The following UGT2B17 variants were observed in gnomAD, a reference collection of about 807,000 sequenced individuals.
UGT2B17 encodes the protein UDP glucuronosyltransferase family 2 member B17.
A neutral mutation model predicts 48.2 loss-of-function variants in UGT2B17; 21 were observed. The observed-to-expected ratio is 0.44, with a 90% CI of 0.31 to 0.63. UGT2B17 has a LOEUF of 0.63. Among genes scored for constraint, UGT2B17 ranks in the 20% least tolerant of loss-of-function variants. The pLI is 0.08. For synonymous variants in UGT2B17, 146 were observed against 238.4 expected, an observed-to-expected ratio of 0.61 and a Z score of 3.57; for missense variants, 402 against 696.1, an observed-to-expected ratio of 0.58 and a Z score of 4.75.
intron 3 of UGT2B17, among the ~76,000 whole-genome samples, chr4:68,562,976 A>G (rs1427937660): frequency 1.6e-5 from 2 of 126,494 alleles, no homozygotes; most frequent in African/African-American, 5.4e-5. Context: ...TGCGCATTGT[A>G]TAAGTTTTTA....
In UGT2B17 at chr4:68,537,429, TA is replaced by T; in HGVS notation, c.*195del. The T allele has an allele frequency of 4.6e-6, 2 of 433,568 alleles. No individual in the cohort carries two copies. Among genetic ancestry groups the T allele is most frequent in the Non-Finnish European group, 6.7e-6 (2 of 298,326 alleles). 26.9% of individuals were successfully genotyped at this position (433,568 alleles called of 1,614,324 possible). A position where few individuals can be genotyped will look rare whatever the true frequency, so the allele number is the denominator to read the frequency against. ...TTTTATATTATTATTTTTCATAGCT[TA>T]AAAATCATTGACATAGAATAATTCC... is the stretch of plus-strand genomic sequence containing the variant. On this transcript the variant is annotated 3_prime_UTR_variant, in exon 7 of 7. Transcript: ENST00000317746.
At chr4:68,569,859 A>C (rs1403801445) in intron 1 of UGT2B17, among the ~76,000 whole-genome samples, 1 of 126,212 alleles carries the variant, frequency 7.9e-6, no homozygotes, top group Non-Finnish European at 1.7e-5. Context: ...GCACCCAGGC[A>C]CTCATTAAAA....
chr4:68,549,029 T>C (rs1560576505), intron 6 of UGT2B17, among the ~76,000 whole-genome samples: 1 of 125,328 alleles, frequency 8.0e-6, no homozygotes, highest in Non-Finnish European at 1.7e-5. Context: ...CTAGTTCACA[T>C]TTAAATCCAC....
intron 3 of UGT2B17, among the ~76,000 whole-genome samples, chr4:68,564,296 T>TATATA (rs1226939611): frequency 1.1e-5 from 1 of 93,840 alleles, no homozygotes; most frequent in African/African-American, 5.8e-5. Flanking sequence ...ATATATATAT[T>TATATA]TTTTTTTTTT....
At chr4:68,564,294 A>ATATATATATATATTTT (rs1366181355) in intron 3 of UGT2B17, among the ~76,000 whole-genome samples, 3 of 75,786 alleles carry the variant, frequency 4.0e-5, no homozygotes, top group African/African-American at 1.0e-4. Flanking sequence ...ATATATATAT[A>ATATATATATATATTTT]TTTTTTTTTT....
rs1731315337 is a variant in UGT2B17, at chr4:68,572,804, T to C, written c.-65+3147A>G. Among the ~76,000 whole-genome samples, 2 of 126,360 alleles carry C rather than the reference T, an allele frequency of 1.6e-5. 1 individual carries two copies. The highest frequency in any genetic ancestry group is 7.8e-3 in the Middle Eastern group (2 of 256). 82.9% of individuals were successfully genotyped at this position (126,360 alleles called of 152,430 possible). On this transcript the variant is annotated intron_variant, in intron 1 of 6. Transcript: ENST00000317746. Reference sequence around the variant, plus strand: ...ATGAGTCCTGCGATGAGTCTCCTCATGCTTCAGCCATGCGTGGACCAGTCA... The same window carrying C: ...ATGAGTCCTGCGATGAGTCTCCTCACGCTTCAGCCATGCGTGGACCAGTCA...
intron 1 of UGT2B17, among the ~76,000 whole-genome samples, chr4:68,572,860 T>G (rs1157347864): frequency 7.9e-6 from 1 of 126,030 alleles, no homozygotes; most frequent in Non-Finnish European, 1.7e-5. Context: ...CAGTGTTTGT[T>G]GTCTTCTTCA....
rs1731299455 is a variant in UGT2B17, at chr4:68,571,707, A to G, written c.-64-3159T>C. Among the ~76,000 whole-genome samples, 3 of 126,144 alleles carry G rather than the reference A, an allele frequency of 2.4e-5. 1 individual carries two copies. The highest frequency in any genetic ancestry group is 5.0e-5 in the Non-Finnish European group (3 of 59,554). The allele number at this position is 126,144 out of a possible 152,430, so 82.8% of individuals were successfully genotyped here. A position where few individuals can be genotyped will look rare whatever the true frequency, so the allele number is the denominator to read the frequency against. On this transcript the variant is annotated intron_variant, in intron 1 of 6. Coordinates refer to ENST00000317746, the MANE Select transcript of UGT2B17 (RefSeq NM_001077.4). Reference sequence around the variant, plus strand: ...GTAGGAACTAATTCTTGGGCTTCCTATGGCCATTGATCTACTGTTATGGTT... The same window carrying G: ...GTAGGAACTAATTCTTGGGCTTCCTGTGGCCATTGATCTACTGTTATGGTT...
rs1212039612 is a variant in UGT2B17, at chr4:68,569,809, C to T, written c.-64-1261G>A. Among the ~76,000 whole-genome samples, 4 of 126,484 alleles carry T rather than the reference C, an allele frequency of 3.2e-5. 1 individual carries two copies. Among genetic ancestry groups the T allele is most frequent in the Non-Finnish European group, 6.7e-5 (4 of 59,628 alleles). 83.0% of individuals were successfully genotyped at this position (126,484 alleles called of 152,430 possible). On this transcript the variant is annotated intron_variant, in intron 1 of 6. Coordinates refer to ENST00000317746, the MANE Select transcript of UGT2B17 (RefSeq NM_001077.4). ...AGAACTATAAAACCACTGTCCCATC[C>T]TCACTTGGGGCTGATGCCATTTTAG...
At position 68,567,626 on chromosome 4, in the gene UGT2B17, C is replaced by G. The variant is rs1396392098; in HGVS notation, c.724+135G>C. 66 of 710,814 alleles carry G rather than the reference C, an allele frequency of 9.3e-5. 21 individuals carry two copies. Among genetic ancestry groups the G allele is most frequent in the Middle Eastern group, 8.9e-4 (3 of 3,358 alleles). The allele number at this position is 710,814 out of a possible 1,614,324, so 44.0% of individuals were successfully genotyped here. A position where few individuals can be genotyped will look rare whatever the true frequency, so the allele number is the denominator to read the frequency against. On this transcript the variant is annotated intron_variant, in intron 2 of 6. Transcript: ENST00000317746. ...GTCAACATTCTATATTTTTGAGACT[C>G]ATAGATCATCTTACATTTGCAATTC...
In UGT2B17 at chr4:68,548,751, TTC is replaced by T. The variant is rs1206271452; in HGVS notation, c.1313+1924_1313+1925del. Among the ~76,000 whole-genome samples, 3 of 124,850 alleles carry T rather than the reference TTC, an allele frequency of 2.4e-5. 1 individual carries two copies. Among genetic ancestry groups the T allele is most frequent in the Non-Finnish European group, 5.1e-5 (3 of 59,316 alleles). The allele number at this position is 124,850 out of a possible 152,430, so 81.9% of individuals were successfully genotyped here. ...GTTAGGCATATTCCTAGGTATTTTA[TTC>T]TCTTTGTTGCAATTGCAAATGGGAA... On this transcript the variant is annotated intron_variant, in intron 6 of 6. Coordinates refer to ENST00000317746, the MANE Select transcript of UGT2B17 (RefSeq NM_001077.4).
At position 68,570,198 on chromosome 4, in the gene UGT2B17, TG is replaced by T. The variant is rs1482480812; in HGVS notation, c.-64-1651del. The stretch of plus-strand genomic sequence containing the variant: ...CCAAGCTCCTCAAGTGCGCAATTTT[TG>T]TCCTTTTTAAGGGCTCACAACACTA... On this transcript the variant is annotated intron_variant, in intron 1 of 6. Coordinates refer to ENST00000317746, the MANE Select transcript of UGT2B17 (RefSeq NM_001077.4). 2.3e-4 allele frequency among the ~76,000 whole-genome samples: 29 copies of T among 127,106 alleles called. 7 individuals carry two copies. The highest frequency in any genetic ancestry group is 7.8e-4 in the African/African-American group (29 of 37,200). The allele number at this position is 127,106 out of a possible 152,430, so 83.4% of individuals were successfully genotyped here.
chr4:68,556,116 T>G lies in UGT2B17; in HGVS notation c.1006-4205A>C, dbSNP rs1409030427. ...CACAATAAGAAGATTAAAAAAACTT[T>G]TATATGATCAAGTTGTCTATAATTA... On this transcript the variant is annotated intron_variant, in intron 4 of 6. Transcript: ENST00000317746. Among the ~76,000 whole-genome samples, 3 of 123,636 alleles carry G rather than the reference T, an allele frequency of 2.4e-5. 1 individual carries two copies. Among genetic ancestry groups the G allele is most frequent in the African/African-American group, 8.2e-5 (3 of 36,506 alleles). The allele number at this position is 123,636 out of a possible 152,430, so 81.1% of individuals were successfully genotyped here.
At chr4:68,572,278 T>A (rs1731306942) in intron 1 of UGT2B17, among the ~76,000 whole-genome samples, 1 of 126,376 alleles carries the variant, frequency 7.9e-6, no homozygotes, top group Non-Finnish European at 1.7e-5. Flanking sequence ...GGAGCTCTGT[T>A]TTTTTCGGTT....
At chr4:68,563,700 G>A (rs1244369864) in intron 3 of UGT2B17, among the ~76,000 whole-genome samples, 1 of 125,312 alleles carries the variant, frequency 8.0e-6, no homozygotes, top group Non-Finnish European at 1.7e-5. Flanking sequence ...ATTTTTTTTT[G>A]AGAATAAGAT....
intron 6 of UGT2B17, among the ~76,000 whole-genome samples, chr4:68,547,081 A>AAG (rs56859198): frequency 0.89 from 100,408 of 113,354 alleles, 47,508 homozygotes; most frequent in Non-Finnish European, 0.99. Flanking sequence ...AACTACTTGA[A>AAG]TTCATATGGA....
chr4:68,566,180 A>C (rs1731199462), intron 2 of UGT2B17, among the ~76,000 whole-genome samples: 1 of 119,190 alleles, frequency 8.4e-6, no homozygotes. Flanking sequence ...AAAATAATTT[A>C]ATATAATGTA....
rs758452599 is a variant in UGT2B17 at position 68,558,845 on chromosome 4, A to T, written c.1005+1692T>A. Among the ~76,000 whole-genome samples the T allele has an allele frequency of 1.1e-4, 14 of 125,836 alleles. 5 individuals are homozygous for T. The highest frequency in any genetic ancestry group is 2.0e-4 in the Non-Finnish European group (12 of 59,406). 82.6% of individuals were successfully genotyped at this position (125,836 alleles called of 152,430 possible). On this transcript the variant is annotated intron_variant, in intron 4 of 6. Transcript: ENST00000317746. ...TCTATTCAAAGACACCCCTCTGCTC[A>T]CTGAGATAAATGCATATCTGATTGC...
intron 4 of UGT2B17, among the ~76,000 whole-genome samples, chr4:68,560,007 G>T (rs1731074201): frequency 7.6e-6 from 1 of 132,004 alleles, no homozygotes; most frequent in Non-Finnish European, 1.6e-5. Context: ...TCTCTGAATG[G>T]CACCCTGAAC....
Sources: gnomAD v4.1 joint callset for allele counts (sites outside exome capture counted in the v4.1 genomes callset) on GRCh38, gnomAD v4.1.1 for gene constraint, MANE v1.5 for transcripts, NCBI Gene and HGNC (gene_info 2026-07-23, HGNC 2026-07-21) for gene names.